The following NDE1 variants were observed in gnomAD, a reference collection of about 807,000 sequenced individuals.
NDE1 encodes nudE neurodevelopment protein 1.
NDE1 carries 28 observed loss-of-function variants against 43.4 expected under a neutral mutation model. The ratio of observed to expected loss-of-function variants is 0.65; its 90% CI spans 0.48 to 0.89. NDE1 has a LOEUF of 0.89. Among genes scored for constraint, NDE1 ranks in the 40% least tolerant of loss-of-function variants. The pLI is 0.00. For missense variants in NDE1, 441 were observed against 434.1 expected, an observed-to-expected ratio of 1.02 and a Z score of -0.14; for synonymous variants, 184 against 172.0, an observed-to-expected ratio of 1.07 and a Z score of -0.55.
intron 8 of NDE1, among the ~76,000 whole-genome samples, chr16:15,712,002 T>G (rs78284732): frequency 1.9e-3 from 291 of 151,552 alleles, no homozygotes; most frequent in African/African-American, 4.9e-3. Flanking sequence ...TGGGCAGGAT[T>G]CTTTAGGGAA....
intron 1 of NDE1, among the ~76,000 whole-genome samples, chr16:15,658,963 G>T (rs1481885076): frequency 6.6e-6 from 1 of 152,138 alleles, no homozygotes; most frequent in Non-Finnish European, 1.5e-5. Flanking sequence ...GGCCAGCTTT[G>T]TATGACATTT....
At chr16:15,655,345 G>A (rs887173904) in intron 1 of NDE1, among the ~76,000 whole-genome samples, 1 of 152,060 alleles carries the variant, frequency 6.6e-6, no homozygotes, top group Non-Finnish European at 1.5e-5. Flanking sequence ...TAGAGACGGG[G>A]TTCACCTTGT....
chr16:15,659,748 CTTTTTTT>C (rs36112475), intron 1 of NDE1, among the ~76,000 whole-genome samples: 1 of 98,974 alleles, frequency 1.0e-5, no homozygotes, highest in African/African-American at 3.7e-5. Flanking sequence ...TGGACACAAT[CTTTTTTT>C]TTTTTTTTTT....
chr16:15,687,789 T>C (rs958429986), intron 5 of NDE1, among the ~76,000 whole-genome samples: 1 of 152,240 alleles, frequency 6.6e-6, no homozygotes, highest in Non-Finnish European at 1.5e-5. Context: ...TGTATTGGGA[T>C]TCTGCCTCTG....
At chr16:15,717,190 C>A (rs374486989) in intron 8 of NDE1, 1 of 1,614,180 alleles carries the variant, frequency 6.2e-7, no homozygotes, top group South Asian at 1.1e-5. Context: ...TGGCCTCCAG[C>A]GCCGCGATGG....
chr16:15,662,650 C>T (rs1054380895), intron 1 of NDE1, among the ~76,000 whole-genome samples: 4 of 152,120 alleles, frequency 2.6e-5, no homozygotes, highest in Admixed American at 1.3e-4. Flanking sequence ...TATCTTGGCT[C>T]ACCGCAACCT....
At chr16:15,700,210 C>T in intron 8 of NDE1, 1 of 654,964 alleles carries the variant, frequency 1.5e-6, no homozygotes, top group Non-Finnish European at 1.9e-6. Flanking sequence ...GGTTCTTGTT[C>T]CTGAGTCTTC....
chr16:15,669,248 C>A (rs1239522458), intron 3 of NDE1, among the ~76,000 whole-genome samples: 1 of 151,506 alleles, frequency 6.6e-6, no homozygotes, highest in Non-Finnish European at 1.5e-5. Flanking sequence ...GGCTGGAGTG[C>A]AGTGGCACAA....
At chr16:15,651,428 C>A (rs2151388364) in intron 1 of NDE1, 1 of 148,850 alleles carries the variant, frequency 6.7e-6, no homozygotes. Context: ...GGTATACAAC[C>A]CGTTTTTTTT....
chr16:15,695,648 C>T (rs1372250048), intron 7 of NDE1: 2 of 985,198 alleles, frequency 2.0e-6, no homozygotes, highest in African/African-American at 1.7e-5. Context: ...TAGAAGGCCA[C>T]ATAATTTAAC....
At chr16:15,684,954 C>G in intron 4 of NDE1, among the ~76,000 whole-genome samples, 1 of 152,198 alleles carries the variant, frequency 6.6e-6, no homozygotes, top group Admixed American at 6.6e-5. Flanking sequence ...CAGAGTTCCT[C>G]TGATCATTCT....
chr16:15,707,181 G>T (rs1347480432), intron 8 of NDE1, among the ~76,000 whole-genome samples: 1 of 152,100 alleles, frequency 6.6e-6, no homozygotes, highest in Non-Finnish European at 1.5e-5. Flanking sequence ...TGGGACTACA[G>T]ACATGCCACC....
intron 1 of NDE1, among the ~76,000 whole-genome samples, chr16:15,659,425 C>CTTTTTTTTTT (rs35091023): frequency 3.4e-5 from 2 of 58,892 alleles, no homozygotes; most frequent in African/African-American, 7.1e-5. Context: ...TGCACACAAT[C>CTTTTTTTTTT]TTTTTTTTTT....
At chr16:15,663,263 G>A (rs1438196837) in intron 1 of NDE1, among the ~76,000 whole-genome samples, 8 of 146,672 alleles carry the variant, frequency 5.5e-5, no homozygotes, top group African/African-American at 1.0e-4. Flanking sequence ...TTTTTGAGAC[G>A]GAGTCTCATT....
At chr16:15,659,858 C>T (rs928007594) in intron 1 of NDE1, among the ~76,000 whole-genome samples, 6 of 151,538 alleles carry the variant, frequency 4.0e-5, no homozygotes, top group South Asian at 2.1e-4. Flanking sequence ...AAGCAATTCT[C>T]CTGCCTTAGC....
At chr16:15,671,947 C>T (rs1032522716) in intron 3 of NDE1, among the ~76,000 whole-genome samples, 10 of 152,018 alleles carry the variant, frequency 6.6e-5, no homozygotes, top group Admixed American at 6.6e-4. Context: ...CTCGGCCTCT[C>T]AAAGTGCTGG....
At chr16:15,700,177 A>T in intron 8 of NDE1, 4 of 912,672 alleles carry the variant, frequency 4.4e-6, no homozygotes, top group Non-Finnish European at 5.3e-6. Flanking sequence ...GCTCACTGCA[A>T]CCTCCGCCTC....
rs2039036636 is a variant in NDE1 at position 15,696,815 on chromosome 16, G to A, written c.902G>A (p.Gly301Glu). 1.2e-6 allele frequency: 2 copies of A among 1,614,208 alleles called. No homozygotes were observed. Among genetic ancestry groups the A allele is most frequent in the East Asian group, 2.2e-5 (1 of 44,874 alleles). ...CGGAGCAGCAAGAACAGAGATGGCG[G>A]GGAGAGACGGCCAAGCAGCACCAGC... ...SGRSSKNRDG[G>E]ERRPSSTSVP... Residue 301 changes from glycine (G) to glutamate (E), a missense_variant, in exon 8 of 9, where the codon GGG becomes GAG. Transcript: ENST00000396354.
At chr16:15,675,197 C>G (rs944905269) in intron 3 of NDE1, among the ~76,000 whole-genome samples, 1 of 151,944 alleles carries the variant, frequency 6.6e-6, no homozygotes, top group Non-Finnish European at 1.5e-5. Context: ...TGCCCGCCCC[C>G]TCCCAGTCCC....
Sources: allele counts gnomAD v4.1 joint callset (sites outside exome capture counted in the v4.1 genomes callset), GRCh38; gene constraint gnomAD v4.1.1; transcripts MANE v1.5; gene names NCBI Gene and HGNC (gene_info 2026-07-23, HGNC 2026-07-21).